PLPPR1: variants seen among roughly 807,000 people sequenced by gnomAD.
PLPPR1 encodes the protein phospholipid phosphatase related 1.
In PLPPR1, 10 loss-of-function variants were observed where a neutral mutation model predicts 33.1. That is an observed-to-expected ratio of 0.30 (90% CI 0.19 to 0.51). The LOEUF is 0.51. PLPPR1 is among the 20% of genes least tolerant of loss of function. PLPPR1 has a pLI of 0.97. For synonymous variants in PLPPR1, 151 were observed against 151.0 expected, an observed-to-expected ratio of 1.00 and a Z score of 0.00; for missense variants, 304 against 408.1, an observed-to-expected ratio of 0.74 and a Z score of 2.20.
intron 3 of PLPPR1, among the ~76,000 whole-genome samples, chr9:101,281,379 G>C (rs183408008): frequency 6.6e-6 from 1 of 151,882 alleles, no homozygotes; most frequent in African/African-American, 2.4e-5. Context: ...AAATACCAAC[G>C]ATGTTCTTCA....
intron 2 of PLPPR1, among the ~76,000 whole-genome samples, chr9:101,206,072 T>A (rs1178855439): frequency 6.6e-6 from 1 of 152,084 alleles, no homozygotes; most frequent in Non-Finnish European, 1.5e-5. Context: ...TTCTGGCAAA[T>A]GGGAGAATTG....
At chr9:101,046,399 C>T (rs1226604499) in intron 1 of PLPPR1, among the ~76,000 whole-genome samples, 4 of 151,458 alleles carry the variant, frequency 2.6e-5, no homozygotes, top group East Asian at 3.9e-4. Context: ...TTTCCTTCTC[C>T]ATCATCTGCT....
At chr9:101,180,145 C>G (rs200317117) in intron 1 of PLPPR1, among the ~76,000 whole-genome samples, 3 of 28,210 alleles carry the variant, frequency 1.1e-4, no homozygotes, top group African/African-American at 6.0e-4. Context: ...TATATATATA[C>G]ACACACACAC....
chr9:101,194,420 A>G (rs1826355911), intron 2 of PLPPR1, among the ~76,000 whole-genome samples: 1 of 152,130 alleles, frequency 6.6e-6, no homozygotes, highest in South Asian at 2.1e-4. Context: ...AGATTTGAAC[A>G]ATTTTCTAAA....
At chr9:101,157,913 A>G (rs1831717494) in intron 1 of PLPPR1, among the ~76,000 whole-genome samples, 1 of 152,212 alleles carries the variant, frequency 6.6e-6, no homozygotes, top group African/African-American at 2.4e-5. Context: ...CTGAGGCACA[A>G]GAATCACTTG....
At chr9:101,221,198 C>T (rs1209092777) in intron 2 of PLPPR1, among the ~76,000 whole-genome samples, 2 of 152,168 alleles carry the variant, frequency 1.3e-5, no homozygotes, top group Non-Finnish European at 2.9e-5. Context: ...ATCACCTGAG[C>T]AGTATACGCT....
intron 7 of PLPPR1, among the ~76,000 whole-genome samples, chr9:101,323,263 G>C (rs1443421321): frequency 6.6e-6 from 1 of 152,114 alleles, no homozygotes; most frequent in Non-Finnish European, 1.5e-5. Flanking sequence ...GGAAGGCCAA[G>C]GTGGGAGGGT....
chr9:101,208,046 T>A (rs1826621181), intron 2 of PLPPR1, among the ~76,000 whole-genome samples: 1 of 152,126 alleles, frequency 6.6e-6, no homozygotes, highest in African/African-American at 2.4e-5. Context: ...AGCAACAATA[T>A]CCTAAAGCTG....
At chr9:101,209,524 C>T (rs558339241) in intron 2 of PLPPR1, among the ~76,000 whole-genome samples, 1 of 152,310 alleles carries the variant, frequency 6.6e-6, no homozygotes, top group African/African-American at 2.4e-5. Flanking sequence ...ACAATCTGTG[C>T]TTCTTCCCTT....
chr9:101,169,175 G>GGT (rs1331297230), intron 1 of PLPPR1, among the ~76,000 whole-genome samples: 1 of 151,910 alleles, frequency 6.6e-6, no homozygotes, highest in Admixed American at 6.6e-5. Context: ...TCCCTTTTGG[G>GGT]GTGTGTGTGT....
chr9:101,086,258 T>A (rs1218246702), intron 1 of PLPPR1, among the ~76,000 whole-genome samples: 1 of 152,112 alleles, frequency 6.6e-6, no homozygotes, highest in East Asian at 1.9e-4. Flanking sequence ...GCACAAGAGT[T>A]TTACTGGGGA....
intron 4 of PLPPR1, among the ~76,000 whole-genome samples, chr9:101,297,231 G>A (rs1243068137): frequency 6.7e-6 from 1 of 149,868 alleles, no homozygotes; most frequent in African/African-American, 2.4e-5. Context: ...TTTTTTTAAA[G>A]AGTGAGGGCA....
At chr9:101,225,250 C>T (rs960280901) in intron 2 of PLPPR1, among the ~76,000 whole-genome samples, 2 of 152,192 alleles carry the variant, frequency 1.3e-5, no homozygotes, top group Non-Finnish European at 2.9e-5. Context: ...ATTTTGCCAG[C>T]AATTCCTCCT....
chr9:101,213,207 T>A (rs1293888876), intron 2 of PLPPR1, among the ~76,000 whole-genome samples: 1 of 152,180 alleles, frequency 6.6e-6, no homozygotes, highest in Non-Finnish European at 1.5e-5. Context: ...CTTCTACAGT[T>A]TATCAGAATT....
At chr9:101,148,867 G>A (rs572168093) in intron 1 of PLPPR1, among the ~76,000 whole-genome samples, 6 of 151,768 alleles carry the variant, frequency 4.0e-5, no homozygotes, top group Middle Eastern at 3.4e-3. Flanking sequence ...CCACAATTCC[G>A]TCTGCTTGGA....
intron 1 of PLPPR1, among the ~76,000 whole-genome samples, chr9:101,052,393 T>C (rs1830232469): frequency 6.6e-6 from 1 of 152,148 alleles, no homozygotes; most frequent in African/African-American, 2.4e-5. Flanking sequence ...TATAGAAGCT[T>C]GAGCTACTGC....
At chr9:101,164,596 G>C (rs549878823) in intron 1 of PLPPR1, among the ~76,000 whole-genome samples, 1 of 151,998 alleles carries the variant, frequency 6.6e-6, no homozygotes, top group South Asian at 2.1e-4. Context: ...TCGAACTCCT[G>C]GCCTCAAGTG....
At chr9:101,158,962 C>T (rs1195936458) in intron 1 of PLPPR1, among the ~76,000 whole-genome samples, 1 of 152,142 alleles carries the variant, frequency 6.6e-6, no homozygotes, top group African/African-American at 2.4e-5. Flanking sequence ...CTCCATTAAC[C>T]TTTCATGTAA....
At chr9:101,143,952 A>G (rs1163653768) in intron 1 of PLPPR1, among the ~76,000 whole-genome samples, 2 of 152,188 alleles carry the variant, frequency 1.3e-5, no homozygotes, top group Non-Finnish European at 2.9e-5. Flanking sequence ...AGGATTATAA[A>G]TCACGCTGCT....
Sources: gnomAD v4.1 joint callset for allele counts (sites outside exome capture counted in the v4.1 genomes callset) on GRCh38, gnomAD v4.1.1 for gene constraint, MANE v1.5 for transcripts, NCBI Gene and HGNC (gene_info 2026-07-23, HGNC 2026-07-21) for gene names.